IQCH: variants seen among roughly 807,000 people sequenced by gnomAD.
IQCH encodes IQ motif containing H.
In IQCH, 98 loss-of-function variants were observed where a neutral mutation model predicts 117.0. The ratio of observed to expected loss-of-function variants is 0.84; its 90% CI spans 0.71 to 0.99. The LOEUF (loss-of-function observed/expected upper bound fraction) is 0.99, where lower values mean the gene tolerates loss of function less well. IQCH is among the 50% of genes least tolerant of loss of function. IQCH has a pLI of 0.00. For missense variants in IQCH, 1,102 were observed against 1,243.8 expected, an observed-to-expected ratio of 0.89 and a Z score of 1.72; for synonymous variants, 412 against 448.2, an observed-to-expected ratio of 0.92 and a Z score of 1.02.
At chr15:67,455,504 G>A (rs1181790478) in intron 16 of IQCH, among the ~76,000 whole-genome samples, 1 of 152,132 alleles carries the variant, frequency 6.6e-6, no homozygotes, top group African/African-American at 2.4e-5. Flanking sequence ...AAAAATTCTG[G>A]TTTCCTGGAA....
At chr15:67,259,207 CTAT>C (rs1326233419) in intron 1 of IQCH, among the ~76,000 whole-genome samples, 1 of 152,150 alleles carries the variant, frequency 6.6e-6, no homozygotes, top group Non-Finnish European at 1.5e-5. Context: ...TCTGAGATAG[CTAT>C]TATTATTCCC....
At chr15:67,304,434 T>TA (rs1168270530) in intron 4 of IQCH, 4 of 1,521,182 alleles carry the variant, frequency 2.6e-6, no homozygotes, top group Non-Finnish European at 3.5e-6. Context: ...GTTTGCCATA[T>TA]ATTAATCAGA....
rs1596276479 is a variant in IQCH at position 67,372,484 on chromosome 15, T to C, written c.1127T>C (p.Ile376Thr). The C allele has an allele frequency of 6.2e-7, 1 of 1,613,858 alleles. No homozygotes were observed. Among genetic ancestry groups the C allele is most frequent in the Non-Finnish European group, 8.5e-7 (1 of 1,180,002 alleles). Residue 376 changes from isoleucine to threonine, a missense_variant, in exon 9 of 21, where the codon ATC (isoleucine) becomes ACC (threonine). This residue lies in a region of IQCH where 452 missense variants were observed against 449.6 expected (regional missense o/e 1.01). Coordinates refer to ENST00000335894, the MANE Select transcript of IQCH (RefSeq NM_001031715.3). ...QDGNSEAAMKIQATWKCYKAR... is the reference protein window; with the variant it reads ...QDGNSEAAMKTQATWKCYKAR... ...GGAAATTCGGAGGCCGCCATGAAGA[T>C]CCAAGCCACATGGAAATGCTACAAA...
chr15:67,416,170 G>A lies in IQCH; in HGVS notation c.2098-761G>A, dbSNP rs561172228. Among the ~76,000 whole-genome samples, 159 of 152,270 alleles carry A rather than the reference G, an allele frequency of 1.0e-3. No individual in the cohort carries two copies. The highest frequency in any genetic ancestry group is 3.8e-3 in the African/African-American group (158 of 41,552). On this transcript the variant is annotated intron_variant, in intron 14 of 20. Coordinates refer to ENST00000335894, the MANE Select transcript of IQCH (RefSeq NM_001031715.3). The surrounding 1 kb of genome is among the most constrained non-coding windows in gnomAD (Gnocchi z 5.1). Reference sequence around the variant, plus strand: ...GGCCAAGGCGGGTGGATCACCTGAGGTCAGGAGTTCGAGATCAGTATGACC... The same window carrying A: ...GGCCAAGGCGGGTGGATCACCTGAGATCAGGAGTTCGAGATCAGTATGACC...
At chr15:67,420,791 A>G (rs968426313) in intron 15 of IQCH, among the ~76,000 whole-genome samples, 2 of 152,378 alleles carry the variant, frequency 1.3e-5, no homozygotes, top group Middle Eastern at 3.4e-3. Context: ...CTGGCTTTAT[A>G]TAGAAGTCCT....
At chr15:67,482,235 T>C (rs1055548527) in intron 18 of IQCH, among the ~76,000 whole-genome samples, 8 of 151,956 alleles carry the variant, frequency 5.3e-5, no homozygotes, top group Non-Finnish European at 4.4e-5. Context: ...CACCAAAGGA[T>C]AGGGGCCCTG....
intron 16 of IQCH, among the ~76,000 whole-genome samples, chr15:67,464,258 T>TG (rs990371822): frequency 3.9e-5 from 6 of 152,042 alleles, no homozygotes; most frequent in Non-Finnish European, 8.8e-5. Flanking sequence ...AGTGTGGGGA[T>TG]GGGGGATGAC....
chr15:67,380,287 T>C (rs558028680), intron 10 of IQCH, among the ~76,000 whole-genome samples: 1 of 152,360 alleles, frequency 6.6e-6, no homozygotes, highest in African/African-American at 2.4e-5. Context: ...ATTTGGCCCA[T>C]TTGGTTTGAG....
intron 3 of IQCH, among the ~76,000 whole-genome samples, chr15:67,270,046 T>C (rs916542553): frequency 2.0e-5 from 3 of 152,182 alleles, no homozygotes; most frequent in Non-Finnish European, 4.4e-5. Context: ...TTTTAGTTTT[T>C]TGAGGCACCT....
At chr15:67,317,835 G>C (rs1967922754) in intron 4 of IQCH, among the ~76,000 whole-genome samples, 1 of 152,076 alleles carries the variant, frequency 6.6e-6, no homozygotes, top group Admixed American at 6.5e-5. Context: ...CTAGTTTCAT[G>C]GGCATGGTTT....
In IQCH at chr15:67,391,301, AAAATT is replaced by A. The variant is rs1468858205; in HGVS notation, c.1632+2301_1632+2305del. Among the ~76,000 whole-genome samples the A allele has an allele frequency of 1.3e-5, 2 of 152,216 alleles. No individual in the cohort carries two copies. The highest frequency in any genetic ancestry group is 4.8e-5 in the African/African-American group (2 of 41,466). On this transcript the variant is annotated intron_variant, in intron 12 of 20. Transcript: ENST00000335894. The surrounding 1 kb of genome is among the most constrained non-coding windows in gnomAD (Gnocchi z 4.3). ...AAGCAATCAACTTTTTAAAAATACA[AAAATT>A]AAATTCTCACTTTCAAATCAGTTCT...
Position 67,408,911 on chromosome 15 carries a change from T to C in IQCH, c.2098-8020T>C, listed in dbSNP as rs545279101. On this transcript the variant is annotated intron_variant, in intron 14 of 20. Transcript: ENST00000335894. This position sits in a 1 kb window ranked among gnomAD's most constrained non-coding sequence, Gnocchi z 4.2. The stretch of plus-strand genomic sequence containing the variant: ...ATATTGCATGATCTTAGAACAGTCA[T>C]ATGTATTTACTTGATATCACTCTTA... Among the ~76,000 whole-genome samples, 2 of 152,318 alleles carry C rather than the reference T, an allele frequency of 1.3e-5. No homozygotes were observed. Among genetic ancestry groups the C allele is most frequent in the East Asian group, 3.9e-4 (2 of 5,184 alleles).
In IQCH at chr15:67,491,340, G is replaced by C. The variant is rs144018519; in HGVS notation, c.2861+1276G>C. Among the ~76,000 whole-genome samples the C allele has an allele frequency of 1.9e-3, 284 of 152,264 alleles. 1 individual carries two copies. The highest frequency in any genetic ancestry group is 6.8e-3 in the Middle Eastern group (2 of 294). On this transcript the variant is annotated intron_variant, in intron 19 of 20. Coordinates refer to ENST00000335894, the MANE Select transcript of IQCH (RefSeq NM_001031715.3). This position sits in a 1 kb window ranked among gnomAD's most constrained non-coding sequence, Gnocchi z 4.9. ...CCTTTGTTCTACCAAAGCATTATCA[G>C]TTAGACCATTATCAATACAGTGATA...
intron 16 of IQCH, among the ~76,000 whole-genome samples, chr15:67,441,122 CAAAAAAAAA>C (rs200254535): frequency 5.6e-5 from 3 of 54,004 alleles, no homozygotes; most frequent in African/African-American, 1.4e-4. Flanking sequence ...GCAATAGCTG[CAAAAAAAAA>C]AAAAAAAAAA....
chr15:67,316,136 AT>A (rs1227931671), intron 4 of IQCH, among the ~76,000 whole-genome samples: 1 of 152,152 alleles, frequency 6.6e-6, no homozygotes, highest in African/African-American at 2.4e-5. Context: ...CCACTTTAAG[AT>A]TGTTCCTAAG....
At chr15:67,271,244 A>T (rs1269023354) in intron 3 of IQCH, among the ~76,000 whole-genome samples, 1 of 152,238 alleles carries the variant, frequency 6.6e-6, no homozygotes, top group African/African-American at 2.4e-5. Flanking sequence ...CTGAGATTAC[A>T]GGTGTGAGCC....
Position 67,329,619 on chromosome 15 carries a change from G to T in IQCH, c.388-7356G>T, listed in dbSNP as rs375098323. Among the ~76,000 whole-genome samples the T allele has an allele frequency of 3.7e-4, 57 of 152,042 alleles. No homozygotes were observed. The South Asian group carries it at 0.012, about 32-fold the overall frequency. ...GCCTCCCAAGTAGCTGAGATTACAG[G>T]TGCATGCCCAGATAATTTTTTTTAT... On this transcript the variant is annotated intron_variant, in intron 4 of 20. Coordinates refer to ENST00000335894, the MANE Select transcript of IQCH (RefSeq NM_001031715.3).
In IQCH at chr15:67,399,721, T is replaced by A. The variant is rs77919550; in HGVS notation, c.1906-393T>A. Among the ~76,000 whole-genome samples, 953 of 152,346 alleles carry A rather than the reference T, an allele frequency of 6.3e-3. 13 individuals are homozygous for A. The highest frequency in any genetic ancestry group is 0.02 in the African/African-American group (839 of 41,580). On this transcript the variant is annotated intron_variant, in intron 13 of 20. Transcript: ENST00000335894. ...TAAAGTTTTCAAGACTGTAACTCTTTCTAGTCTTGAAACAATTAAAACATC... is the reference window on the plus strand; with the variant it reads ...TAAAGTTTTCAAGACTGTAACTCTTACTAGTCTTGAAACAATTAAAACATC...
At chr15:67,484,810 C>T (rs766929912) in intron 18 of IQCH, among the ~76,000 whole-genome samples, 46 of 152,086 alleles carry the variant, frequency 3.0e-4, no homozygotes, top group Non-Finnish European at 5.9e-4. Context: ...CAGTACTCTA[C>T]TGGTCTGCCA....
Sources: gnomAD v4.1 joint callset for allele counts (sites outside exome capture counted in the v4.1 genomes callset) on GRCh38, gnomAD v4.1.1 for gene constraint, gnomAD v4.1.1 regional missense constraint, Gnocchi (gnomAD v3.1) non-coding constraint, MANE v1.5 for transcripts, NCBI Gene and HGNC (gene_info 2026-07-23, HGNC 2026-07-21) for gene names.